The following RBFOX1 variants were observed in gnomAD, a reference collection of about 807,000 sequenced individuals.
RBFOX1 encodes RNA binding protein fox-1 homolog 1.
In RBFOX1, 8 loss-of-function variants were observed where a neutral mutation model predicts 57.7. The ratio of observed to expected loss-of-function variants is 0.14; its 90% CI spans 0.08 to 0.25. RBFOX1 has a LOEUF of 0.25. Ranked by LOEUF, RBFOX1 falls within the 10% of genes least tolerant of loss-of-function variation. RBFOX1 has a pLI of 1.00. For missense variants in RBFOX1, 611 were observed against 548.5 expected (o/e 1.11, Z -1.14); for synonymous variants, 326 against 222.4 (o/e 1.47, Z -4.15).
At chr16:6,581,089 G>A (rs984919896) in intron 2 of RBFOX1, among the ~76,000 whole-genome samples, 18 of 151,866 alleles carry the variant, frequency 1.2e-4, no homozygotes, top group African/African-American at 4.1e-4. Context: ...TTTCCATGCT[G>A]TGCCTTTTGA....
At chr16:7,264,965 C>T (rs1479417875) in intron 4 of RBFOX1, among the ~76,000 whole-genome samples, 1 of 152,252 alleles carries the variant, frequency 6.6e-6, no homozygotes, top group African/African-American at 2.4e-5. Context: ...GACTCAATGC[C>T]ACCAAGCAGT....
At chr16:7,582,639 G>A (rs1395990781) in intron 6 of RBFOX1, among the ~76,000 whole-genome samples, 2 of 152,122 alleles carry the variant, frequency 1.3e-5, no homozygotes, top group Non-Finnish European at 2.9e-5. Flanking sequence ...CCTCTTTTGG[G>A]TCATAGTTAC....
chr16:6,262,603 C>T (rs114250203), intron 1 of RBFOX1, among the ~76,000 whole-genome samples: 1,798 of 152,264 alleles, frequency 0.012, 44 homozygotes, highest in African/African-American at 0.041. Context: ...CAATTGATTG[C>T]TCACTTTTAT....
At position 5,247,714 on chromosome 16, in the gene RBFOX1, A is replaced by G. The variant is rs549011402; in HGVS notation, c.219+7609A>G. The stretch of plus-strand genomic sequence containing the variant: ...TTGCGACAGAGACCTATGGCCTGCA[A>G]TGCTGAACTATTTACCATCTGGCCC... On this transcript the variant is annotated intron_variant, in intron 1 of 2. Transcript: ENST00000585867. 6.6e-4 allele frequency among the ~76,000 whole-genome samples: 101 copies of G among 152,312 alleles called. 1 individual carries two copies. In the South Asian group the frequency reaches 0.016, roughly 25 times the overall value.
chr16:5,357,629 G>T (rs1382895560), intron 1 of RBFOX1, among the ~76,000 whole-genome samples: 1 of 152,198 alleles, frequency 6.6e-6, no homozygotes, highest in Non-Finnish European at 1.5e-5. Flanking sequence ...CAAACTCCCA[G>T]GTGATGGTGA....
chr16:5,310,349 C>T (rs895484880), intron 1 of RBFOX1, among the ~76,000 whole-genome samples: 3 of 151,912 alleles, frequency 2.0e-5, no homozygotes, highest in South Asian at 2.1e-4. Context: ...TGCAGTGAGC[C>T]GAGATCATGC....
chr16:6,632,565 T>C (rs879596115), intron 2 of RBFOX1, among the ~76,000 whole-genome samples: 2 of 152,162 alleles, frequency 1.3e-5, no homozygotes, highest in African/African-American at 2.4e-5. Flanking sequence ...CCAATGTTGA[T>C]GGATTTCAGT....
At chr16:7,203,936 G>T (rs1603003229) in intron 4 of RBFOX1, among the ~76,000 whole-genome samples, 1 of 152,212 alleles carries the variant, frequency 6.6e-6, no homozygotes, top group African/African-American at 2.4e-5. Flanking sequence ...CATATGATTT[G>T]CATCTGCTTT....
At chr16:5,625,363 C>T (rs1459456775) in intron 3 of RBFOX1, among the ~76,000 whole-genome samples, 1 of 152,050 alleles carries the variant, frequency 6.6e-6, no homozygotes, top group African/African-American at 2.4e-5. Flanking sequence ...CACTGCAGTT[C>T]TCAGATGAAG....
intron 4 of RBFOX1, among the ~76,000 whole-genome samples, chr16:7,146,410 C>A (rs1180095023): frequency 6.6e-6 from 1 of 152,192 alleles, no homozygotes; most frequent in African/African-American, 2.4e-5. Context: ...ACCAGCTGAA[C>A]CCCTCGCCTA....
intron 2 of RBFOX1, among the ~76,000 whole-genome samples, chr16:6,589,243 G>A (rs780764005): frequency 4.6e-5 from 7 of 152,302 alleles, no homozygotes; most frequent in Non-Finnish European, 8.8e-5. Flanking sequence ...GGTTCTCCTT[G>A]CCTGCTGCCT....
intron 7 of RBFOX1, among the ~76,000 whole-genome samples, chr16:7,589,912 G>GGGGTGT (rs71394324): frequency 2.6e-4 from 35 of 135,056 alleles, no homozygotes; most frequent in East Asian, 1.6e-3. Flanking sequence ...GTGTGTGCTG[G>GGGGTGT]GTGTGTGTGT....
chr16:7,037,401 C>T (rs918500046), intron 3 of RBFOX1, among the ~76,000 whole-genome samples: 3 of 151,972 alleles, frequency 2.0e-5, no homozygotes, highest in African/African-American at 7.3e-5. Flanking sequence ...ACCACCATGC[C>T]AGAGGTCTTA....
intron 1 of RBFOX1, among the ~76,000 whole-genome samples, chr16:5,368,272 C>G (rs1051828373): frequency 6.6e-6 from 1 of 152,138 alleles, no homozygotes; most frequent in Non-Finnish European, 1.5e-5. Flanking sequence ...TTTACGCTTG[C>G]GACTGCATTT....
intron 4 of RBFOX1, among the ~76,000 whole-genome samples, chr16:5,899,994 C>G (rs1444357523): frequency 6.6e-6 from 1 of 152,162 alleles, no homozygotes; most frequent in Non-Finnish European, 1.5e-5. Context: ...GGGAGGATTG[C>G]TTGAACCCAG....
chr16:7,307,402 G>A (rs1018483435), intron 4 of RBFOX1, among the ~76,000 whole-genome samples: 3 of 152,120 alleles, frequency 2.0e-5, no homozygotes, highest in East Asian at 3.8e-4. Flanking sequence ...CCTCAGCATC[G>A]GAGTCTACTC....
intron 4 of RBFOX1, among the ~76,000 whole-genome samples, chr16:7,496,368 C>G (rs953926103): frequency 2.6e-5 from 4 of 152,288 alleles, no homozygotes; most frequent in South Asian, 2.1e-4. Flanking sequence ...GTCTTGAACT[C>G]TTGACCTCAA....
chr16:5,822,172 G>T (rs908961185), intron 3 of RBFOX1, among the ~76,000 whole-genome samples: 2 of 152,200 alleles, frequency 1.3e-5, no homozygotes, highest in Admixed American at 1.3e-4. Flanking sequence ...TCTAAGTGAA[G>T]TAACTCAGGA....
At chr16:7,261,647 A>G (rs146976916) in intron 4 of RBFOX1, among the ~76,000 whole-genome samples, 331 of 152,148 alleles carry the variant, frequency 2.2e-3, no homozygotes, top group African/African-American at 7.3e-3. Context: ...GGCTCTCTCC[A>G]CTCACCTCTT....
Sources: gnomAD v4.1 joint callset for allele counts (sites outside exome capture counted in the v4.1 genomes callset) on GRCh38, gnomAD v4.1.1 for gene constraint, MANE v1.5 for transcripts, NCBI Gene and HGNC (gene_info 2026-07-23, HGNC 2026-07-21) for gene names.